E2F8: variants seen among roughly 807,000 people sequenced by gnomAD.
E2F8 encodes E2F transcription factor 8.
E2F8 carries 35 observed loss-of-function variants against 80.8 expected under a neutral mutation model. That is an observed-to-expected ratio of 0.43 (90% confidence interval 0.33 to 0.57). E2F8 has a LOEUF of 0.57. Ranked by LOEUF, E2F8 falls within the 20% of genes least tolerant of loss-of-function variation. E2F8 has a pLI of 0.04. For synonymous variants in E2F8, 386 were observed against 395.0 expected, an observed-to-expected ratio of 0.98 and a Z score of 0.27; for missense variants, 975 against 1,056.2, an observed-to-expected ratio of 0.92 and a Z score of 1.07.
Position 19,238,164 on chromosome 11 carries a change from T to C in E2F8, c.16-32A>G, listed in dbSNP as rs565377968. The C allele has an allele frequency of 3.2e-5, 51 of 1,575,924 alleles. No homozygotes were observed. In the South Asian group the frequency reaches 4.4e-4, roughly 14 times the overall value. On this transcript the variant is annotated intron_variant, in intron 2 of 12. Coordinates refer to ENST00000250024, the MANE Select transcript of E2F8 (RefSeq NM_024680.4). Reference sequence around the variant, plus strand: ...TAAAAAATGTAAATAATTAAATCCATGGTAAAACAGGATTTATCAGACAGC... The same window carrying C: ...TAAAAAATGTAAATAATTAAATCCACGGTAAAACAGGATTTATCAGACAGC...
Position 19,229,809 on chromosome 11 carries a change from G to A in E2F8, c.1538C>T (p.Pro513Leu). The A allele has an allele frequency of 6.2e-7, 1 of 1,613,962 alleles. No individual in the cohort carries two copies. Among genetic ancestry groups the A allele is most frequent in the South Asian group, 1.1e-5 (1 of 91,054 alleles). The change falls in exon 10 of 13, where the codon CCT becomes CTT. Residue 513 changes from proline (P) to leucine (L), a missense_variant. Transcript: ENST00000250024. The surrounding 1 kb of genome is among the most constrained non-coding windows in gnomAD (Gnocchi z 4.3). The stretch of plus-strand genomic sequence containing the variant: ...ATAGGATGGGCCTGAAGGGGCCTGA[G>A]GTAGGATCAGGGGCACTGCTGATGA... ...PLSSAVPLIL[P>L]QAPSGPSYAI...
chr11:19,241,525 G>A (rs1209644277), upstream of E2F8: 1 of 152,600 alleles, frequency 6.6e-6, no homozygotes, highest in Non-Finnish European at 1.5e-5. The surrounding 1 kb of genome is among the most constrained non-coding windows in gnomAD (Gnocchi z 4.5). Flanking sequence ...GCAGCGCCGA[G>A]GTGGGTGCCG....
Position 19,234,890 on chromosome 11 carries a change from A to T in E2F8, c.620T>A (p.Met207Lys). 1 of 1,614,184 alleles carries T rather than the reference A, an allele frequency of 6.2e-7. No individual in the cohort carries two copies. The highest frequency in any genetic ancestry group is 8.5e-7 in the Non-Finnish European group (1 of 1,180,038). ...GEENKYAEQI[M>K]MIKKKEYEQE... is the part of the protein sequence containing the mutation. The stretch of plus-strand genomic sequence containing the variant: ...CTCATATTCTTTCTTTTTGATCATC[A>T]TAATCTGCTCGGCGTACTTATTCTC... Residue 207 changes from methionine to lysine, a missense_variant, in exon 5 of 13, where the codon ATG (methionine) becomes AAG (lysine). Physicochemically the swap from Met to Lys is moderately conservative, Grantham distance 95. Transcript: ENST00000250024.
At chr11:19,241,153 G>A (rs921030609), upstream of E2F8, among the ~76,000 whole-genome samples, 3 of 152,240 alleles carry the variant, frequency 2.0e-5, no homozygotes, top group African/African-American at 7.2e-5. This position sits in a 1 kb window ranked among gnomAD's most constrained non-coding sequence, Gnocchi z 4.5. Flanking sequence ...GGCGCGGAAA[G>A]TCGGACCGTG....
In E2F8 at chr11:19,225,834, G is replaced by C; in HGVS notation, c.1924C>G (p.Leu642Val). The C allele has an allele frequency of 6.2e-7, 1 of 1,614,196 alleles. No individual in the cohort carries two copies. Residue 642 changes from leucine to valine, a missense_variant, in exon 11 of 13, where the codon CTC becomes GTC. By Grantham distance (32) the Leu-to-Val change is conservative (BLOSUM62 1). Transcript: ENST00000250024. ...GCCCCCAGGGATGAGCACTGCGTGA[G>C]AGGGATTAGGTATCCTGATGGGAAC... ...TLFPSGYLIP[L>V]TQCSSLGAES...
chr11:19,232,517 G>T, intron 6 of E2F8, 146 bp from the exon 7 acceptor site: 1 of 616,700 alleles, frequency 1.6e-6, no homozygotes. Flanking sequence ...AAGTTCTTCT[G>T]GTGATACAAC....
chr11:19,235,744 C>A (rs1040030783), intron 4 of E2F8, among the ~76,000 whole-genome samples: 1 of 152,150 alleles, frequency 6.6e-6, no homozygotes, highest in Non-Finnish European at 1.5e-5. Flanking sequence ...AAGTAGCAAA[C>A]CAAGTCTTTA....
Position 19,238,020 on chromosome 11 carries a change from G to A in E2F8, c.128C>T (p.Thr43Ile). ...AEIQPDFGPL[T>I]TPTKPKEGSQ... is the part of the protein sequence containing the mutation. ...GCCTTCCTTGGGCTTGGTAGGTGTG[G>A]TTAAAGGGCCAAAGTCAGGCTGGAT... Residue 43 changes from threonine to isoleucine, a missense_variant, in exon 3 of 13, where the codon ACC (threonine) becomes ATC (isoleucine). By Grantham distance (89) the Thr-to-Ile change is moderately conservative. Coordinates refer to ENST00000250024, the MANE Select transcript of E2F8 (RefSeq NM_024680.4). 1 of 1,614,212 alleles carries A rather than the reference G, an allele frequency of 6.2e-7. No individual in the cohort carries two copies. Among genetic ancestry groups the A allele is most frequent in the Non-Finnish European group, 8.5e-7 (1 of 1,180,040 alleles).
intron 2 of E2F8, among the ~76,000 whole-genome samples, chr11:19,238,789 G>C (rs1252533870): frequency 6.6e-6 from 1 of 152,192 alleles, no homozygotes; most frequent in Non-Finnish European, 1.5e-5. Flanking sequence ...TTTACAGATA[G>C]AGAAAATGGG....
intron 4 of E2F8, among the ~76,000 whole-genome samples, chr11:19,236,842 G>C (rs915971071): frequency 1.3e-5 from 2 of 152,162 alleles, no homozygotes; most frequent in Non-Finnish European, 2.9e-5. Flanking sequence ...GGAATAACTT[G>C]TGCCCAACAC....
At position 19,238,550 on chromosome 11, in the gene E2F8, T is replaced by A. The variant is rs116561921; in HGVS notation, c.16-418A>T. 2.7e-3 allele frequency among the ~76,000 whole-genome samples: 406 copies of A among 152,352 alleles called. 1 individual carries two copies. Among genetic ancestry groups the A allele is most frequent in the African/African-American group, 9.0e-3 (375 of 41,586 alleles). Reference sequence around the variant, plus strand: ...TCAAACTTCTAGAAATGACTTTTGTTTACTCATGGCACTGTAATAAGTAAA... The same window carrying A: ...TCAAACTTCTAGAAATGACTTTTGTATACTCATGGCACTGTAATAAGTAAA... On this transcript the variant is annotated intron_variant, in intron 2 of 12. Coordinates refer to ENST00000250024, the MANE Select transcript of E2F8 (RefSeq NM_024680.4).
chr11:19,227,323 A>T (rs1851261471), intron 10 of E2F8, among the ~76,000 whole-genome samples: 1 of 152,168 alleles, frequency 6.6e-6, no homozygotes. Context: ...GGAAGAGAGA[A>T]TTTTTAAGGG....
chr11:19,232,376 G>A lies in E2F8; in HGVS notation c.929-5C>T, dbSNP rs1383550567. ...CATACAACCTCCTAATTTTTGCTGGGAAAAAAAGTATATATACCACTTAAT... is the reference window on the plus strand; with the variant it reads ...CATACAACCTCCTAATTTTTGCTGGAAAAAAAAGTATATATACCACTTAAT... On this transcript the variant is annotated splice_region_variant and splice_polypyrimidine_tract_variant and intron_variant, in intron 6 of 12. Transcript: ENST00000250024. The A allele has an allele frequency of 1.2e-6, 2 of 1,603,464 alleles. No homozygotes were observed. The highest frequency in any genetic ancestry group is 1.7e-6 in the Non-Finnish European group (2 of 1,176,624).
At chr11:19,238,610 T>A (rs1041439089) in intron 2 of E2F8, among the ~76,000 whole-genome samples, 1 of 152,208 alleles carries the variant, frequency 6.6e-6, no homozygotes, top group African/African-American at 2.4e-5. Context: ...CCACCTAGCA[T>A]AATGGCTGCA....
In E2F8 at chr11:19,225,538, C is replaced by T; in HGVS notation, c.2104G>A (p.Val702Ile). 2 of 1,614,058 alleles carry T rather than the reference C, an allele frequency of 1.2e-6. No individual in the cohort carries two copies. The highest frequency in any genetic ancestry group is 2.2e-5 in the East Asian group (1 of 44,876). The change falls in exon 12 of 13, where the codon GTC becomes ATC. Residue 702 changes from valine (V) to isoleucine (I), a missense_variant. By Grantham distance (29) the Val-to-Ile change is conservative (BLOSUM62 3). Transcript: ENST00000250024. ...ACGGCTGCCACGGAAGTTGGTGAGA[C>T]CATTAGCTTCAACGGTGTTACATGA... ...SFHVTPLKLM[V>I]SPTSVAAVPV...
chr11:19,236,788 T>G (rs1851530203), intron 4 of E2F8, among the ~76,000 whole-genome samples: 1 of 152,110 alleles, frequency 6.6e-6, no homozygotes, highest in Non-Finnish European at 1.5e-5. Context: ...CCTTTTTAGC[T>G]CCAAATAGAT....
chr11:19,224,914 T>C lies in E2F8; in HGVS notation c.2422-74A>G, dbSNP rs750543102. 1.2e-5 allele frequency: 18 copies of C among 1,535,114 alleles called. No homozygotes were observed. The East Asian group carries it at 1.4e-4, about 12-fold the overall frequency. ...ACATAGTCTTACCAGACTTGGAAGA[T>C]TGGGCTGGATGAATGTATTGCACAT... On this transcript the variant is annotated intron_variant, in intron 12 of 12. Coordinates refer to ENST00000250024, the MANE Select transcript of E2F8 (RefSeq NM_024680.4).
chr11:19,237,836 A>C lies in E2F8; in HGVS notation c.294+18T>G. 1 of 1,593,954 alleles carries C rather than the reference A, an allele frequency of 6.3e-7. No homozygotes were observed. The highest frequency in any genetic ancestry group is 1.7e-5 in the Admixed American group (1 of 57,840). ...CCAACAAATTCCCCAGCCTCCAACC[A>C]GTCCTCTGAAAACCTACGTGTATAC... On this transcript the variant is annotated intron_variant, in intron 3 of 12. Transcript: ENST00000250024.
intron 7 of E2F8, 90 bp from the exon 8 acceptor site, chr11:19,230,924 C>G: frequency 8.2e-7 from 1 of 1,219,484 alleles, no homozygotes; most frequent in South Asian, 1.4e-5. Context: ...ATAAAAGTGG[C>G]AAGTTACAGA....
Sources: gnomAD v4.1 joint callset for allele counts (sites outside exome capture counted in the v4.1 genomes callset) on GRCh38, gnomAD v4.1.1 for gene constraint, Gnocchi (gnomAD v3.1) non-coding constraint, MANE v1.5 for transcripts, NCBI Gene and HGNC (gene_info 2026-07-23, HGNC 2026-07-21) for gene names.